Variants in COLGALT2 observed in about 807,000 individuals in gnomAD.
COLGALT2 encodes the protein procollagen galactosyltransferase 2.
A neutral mutation model predicts 73.4 loss-of-function variants in COLGALT2; 49 were observed. That is an observed-to-expected ratio of 0.67 (90% CI 0.53 to 0.85). The LOEUF is 0.85. Ranked by LOEUF, COLGALT2 falls within the 40% of genes least tolerant of loss-of-function variation. COLGALT2 has a pLI of 0.00. For synonymous variants in COLGALT2, 295 were observed against 307.6 expected, an observed-to-expected ratio of 0.96 and a Z score of 0.43; for missense variants, 722 against 790.2, an observed-to-expected ratio of 0.91 and a Z score of 1.03.
At chr1:183,968,051 G>A (rs558103585) in intron 5 of COLGALT2, among the ~76,000 whole-genome samples, 4 of 152,284 alleles carry the variant, frequency 2.6e-5, no homozygotes, top group African/African-American at 9.6e-5. Flanking sequence ...TCTGATGTGT[G>A]AATTGTAGCT....
At chr1:183,969,133 G>T in intron 5 of COLGALT2, 136 bp downstream of exon 5, 1 of 684,088 alleles carries the variant, frequency 1.5e-6, no homozygotes, top group Non-Finnish European at 2.3e-6. Flanking sequence ...GTGCTGGTAT[G>T]GTTATTGCAG....
intron 1 of COLGALT2, among the ~76,000 whole-genome samples, chr1:183,997,409 C>T (rs750607762): frequency 1.3e-5 from 2 of 152,156 alleles, no homozygotes; most frequent in Non-Finnish European, 2.9e-5. Context: ...TCTTCCTTCT[C>T]GGCCAATAAT....
At chr1:183,980,466 A>G (rs184469622) in intron 1 of COLGALT2, among the ~76,000 whole-genome samples, 36 of 152,246 alleles carry the variant, frequency 2.4e-4, no homozygotes, top group Non-Finnish European at 3.8e-4. Context: ...ATAAATTTGA[A>G]AACTAAATAT....
At chr1:183,984,907 A>G (rs987327768) in intron 1 of COLGALT2, among the ~76,000 whole-genome samples, 1 of 152,182 alleles carries the variant, frequency 6.6e-6, no homozygotes, top group African/African-American at 2.4e-5. Context: ...TCCCAGGTCA[A>G]CAGGTGCACT....
intron 1 of COLGALT2, among the ~76,000 whole-genome samples, chr1:184,014,508 G>A (rs1011772479): frequency 7.9e-5 from 12 of 152,172 alleles, no homozygotes; most frequent in Admixed American, 3.9e-4. Flanking sequence ...AACCAGATGA[G>A]AAATGAATGC....
chr1:184,037,509 G>A lies in COLGALT2; in HGVS notation c.-152C>T, dbSNP rs1230009960. 8.6e-7 allele frequency: 1 copy of A among 1,159,018 alleles called. No homozygotes were observed. Among genetic ancestry groups the A allele is most frequent in the Non-Finnish European group, 1.1e-6 (1 of 942,664 alleles). 71.8% of individuals were successfully genotyped at this position (1,159,018 alleles called of 1,614,324 possible). A position where few individuals can be genotyped will look rare whatever the true frequency, so the allele number is the denominator to read the frequency against. On this transcript the variant is annotated 5_prime_UTR_variant, in exon 1 of 12. Coordinates refer to ENST00000361927, the MANE Select transcript of COLGALT2 (RefSeq NM_015101.4). Reference sequence around the variant, plus strand: ...GCCGGCCGGCTCACACACTGGCCTCGGCGGCTGCGGTTCCCAGGACCCTCC... The same window carrying A: ...GCCGGCCGGCTCACACACTGGCCTCAGCGGCTGCGGTTCCCAGGACCCTCC...
At chr1:184,009,351 T>A (rs1672173093) in intron 1 of COLGALT2, among the ~76,000 whole-genome samples, 1 of 152,260 alleles carries the variant, frequency 6.6e-6, no homozygotes, top group African/African-American at 2.4e-5. Context: ...CATAATTTCC[T>A]TCAATCCTTT....
chr1:183,937,339 GA>G lies in COLGALT2; in HGVS notation c.*1421del. The G allele has an allele frequency of 9.6e-7, 1 of 1,038,324 alleles. No homozygotes were observed. 64.3% of individuals were successfully genotyped at this position (1,038,324 alleles called of 1,614,324 possible). ...AGGGCATGAGAACATAAACTTGAGG[GA>G]AACCACCATGATCTATACTAGGATG... On this transcript the variant is annotated 3_prime_UTR_variant, in exon 12 of 12. Coordinates refer to ENST00000361927, the MANE Select transcript of COLGALT2 (RefSeq NM_015101.4).
chr1:184,027,891 C>T (rs535378874), intron 1 of COLGALT2, among the ~76,000 whole-genome samples: 3 of 152,192 alleles, frequency 2.0e-5, no homozygotes, highest in Non-Finnish European at 4.4e-5. Context: ...CATGCCAATT[C>T]CACAAAATCC....
At chr1:183,949,790 T>C (rs370349855) in intron 8 of COLGALT2, among the ~76,000 whole-genome samples, 2 of 152,158 alleles carry the variant, frequency 1.3e-5, no homozygotes, top group South Asian at 2.1e-4. Flanking sequence ...ATTGTGACAA[T>C]CAATAATGCA....
At chr1:183,981,215 AAAAT>A (rs970569668) in intron 1 of COLGALT2, among the ~76,000 whole-genome samples, 9 of 152,220 alleles carry the variant, frequency 5.9e-5, no homozygotes, top group Admixed American at 1.3e-4. Context: ...TTGAAATTTA[AAAAT>A]AAATAAAGTT....
At chr1:183,945,683 G>C in intron 8 of COLGALT2, 119 bp from the exon 9 acceptor site, 1 of 1,205,922 alleles carries the variant, frequency 8.3e-7, no homozygotes, top group Non-Finnish European at 1.2e-6. Flanking sequence ...AGACAGAGAG[G>C]CTTCCCTTTA....
Position 184,037,718 on chromosome 1 carries a change from C to T in COLGALT2, c.-361G>A. ...CTGAGGTCTGTGGCCTTCCCTAGAG[C>T]CGCGAGTTGTGGCCCTGTCTGCCAA... On this transcript the variant is annotated 5_prime_UTR_variant, in exon 1 of 12. Transcript: ENST00000361927. 2.1e-6 allele frequency: 2 copies of T among 954,694 alleles called. No individual in the cohort carries two copies. The highest frequency in any genetic ancestry group is 2.5e-6 in the Non-Finnish European group (2 of 798,672). The allele number at this position is 954,694 out of a possible 1,614,324, so 59.1% of individuals were successfully genotyped here.
rs114155699 is a variant in COLGALT2 at position 183,973,149 on chromosome 1, A to G, written c.627+467T>C. ...TGTTTTTCAAACCGAGATAAAGGTT[A>G]AGTAAATTGGAACATAGCCACTTGA... On this transcript the variant is annotated intron_variant, in intron 4 of 11. Coordinates refer to ENST00000361927, the MANE Select transcript of COLGALT2 (RefSeq NM_015101.4). 5.9e-3 allele frequency among the ~76,000 whole-genome samples: 899 copies of G among 152,296 alleles called. 14 individuals carry two copies. Among genetic ancestry groups the G allele is most frequent in the African/African-American group, 0.021 (862 of 41,552 alleles).
At chr1:183,931,821 G>A (rs1669852561), downstream of COLGALT2, among the ~76,000 whole-genome samples, 2 of 135,572 alleles carry the variant, frequency 1.5e-5, no homozygotes, top group South Asian at 2.3e-4. Context: ...AGAAGAAGAA[G>A]ACTGAATGAT....
chr1:184,002,575 T>C (rs747464384), intron 1 of COLGALT2, among the ~76,000 whole-genome samples: 76 of 152,348 alleles, frequency 5.0e-4, no homozygotes, highest in Non-Finnish European at 9.4e-4. Context: ...ACAATTCAGA[T>C]ACCACAAAAA....
intron 1 of COLGALT2, among the ~76,000 whole-genome samples, chr1:184,008,157 C>A (rs1672133376): frequency 6.6e-6 from 1 of 152,100 alleles, no homozygotes; most frequent in Non-Finnish European, 1.5e-5. Context: ...AGACACGTGA[C>A]TTATACAGTA....
rs1670507822 is a variant in COLGALT2 at position 183,954,798 on chromosome 1, A to C, written c.993T>G (p.Val331=). 1 of 1,613,438 alleles carries C rather than the reference A, an allele frequency of 6.2e-7. No homozygotes were observed. Among genetic ancestry groups the C allele is most frequent in the East Asian group, 2.2e-5 (1 of 44,878 alleles). Reference sequence around the variant, plus strand: ...CCATCTTGTCTGGATATTTAGGGACAACTGAGACATACTGGGAGGGTTCCA... The same window carrying C: ...CCATCTTGTCTGGATATTTAGGGACCACTGAGACATACTGGGAGGGTTCCA... ...PPMEPSQYVS[V]VPKYPDKMGF... is the part of the protein sequence containing the mutation. Residue 331 remains valine (V), a synonymous_variant, in exon 7 of 12, where the codon GTT becomes GTG. Transcript: ENST00000361927.
intron 1 of COLGALT2, among the ~76,000 whole-genome samples, chr1:184,018,607 T>C (rs913757239): frequency 3.3e-5 from 5 of 152,190 alleles, no homozygotes; most frequent in African/African-American, 9.6e-5. Flanking sequence ...AGGAACACTA[T>C]AAACTTTTTT....
Sources: gnomAD v4.1 joint callset for allele counts (sites outside exome capture counted in the v4.1 genomes callset) on GRCh38, gnomAD v4.1.1 for gene constraint, MANE v1.5 for transcripts, NCBI Gene and HGNC (gene_info 2026-07-23, HGNC 2026-07-21) for gene names.